LPP: variants seen among roughly 807,000 people sequenced by gnomAD.
LPP encodes lipoma-preferred partner.
Under a neutral mutation model 60.4 loss-of-function variants are expected in LPP, and 38 were observed. That is an observed-to-expected ratio of 0.63 (90% CI 0.49 to 0.83). The LOEUF is 0.83. LPP is among the 40% of genes least tolerant of loss of function. The pLI, the probability that LPP is intolerant of heterozygous loss-of-function variation, is 0.00. For missense variants in LPP, 902 were observed against 783.6 expected (o/e 1.15, Z -1.80); for synonymous variants, 328 against 290.8 (o/e 1.13, Z -1.30).
chr3:188,475,380 A>G (rs147791101), intron 4 of LPP, among the ~76,000 whole-genome samples: 546 of 152,382 alleles, frequency 3.6e-3, no homozygotes, highest in Non-Finnish European at 6.7e-3. Flanking sequence ...GCTGGGTTTG[A>G]GTAGATTCTG....
intron 7 of LPP, among the ~76,000 whole-genome samples, chr3:188,679,562 T>TGTGTGTGC (rs539053363): frequency 8.1e-5 from 10 of 124,046 alleles, no homozygotes; most frequent in African/African-American, 1.8e-4. Flanking sequence ...TGTGTGTGTG[T>TGTGTGTGC]GCGCGCGCGC....
intron 7 of LPP, among the ~76,000 whole-genome samples, chr3:188,656,241 CTGTGCCCAGGCGCTCCCAGG>C (rs1853187381): frequency 6.6e-6 from 1 of 150,894 alleles, no homozygotes; most frequent in South Asian, 2.1e-4. Context: ...GAAAGAAGGT[CTGTGCCCAGGCGCTCCCAGG>C]TGCTGCCAGG....
At chr3:188,360,247 C>T (rs1396640815) in intron 3 of LPP, among the ~76,000 whole-genome samples, 1 of 152,162 alleles carries the variant, frequency 6.6e-6, no homozygotes, top group Non-Finnish European at 1.5e-5. Context: ...TTTAGTAAAC[C>T]TGAGAGAGTG....
chr3:188,714,869 G>T (rs1560105239), intron 8 of LPP, among the ~76,000 whole-genome samples: 2 of 152,054 alleles, frequency 1.3e-5, no homozygotes, highest in East Asian at 3.9e-4. Flanking sequence ...CATTGAGAGG[G>T]CCTCTAAACA....
intron 4 of LPP, among the ~76,000 whole-genome samples, chr3:188,432,885 C>T (rs968613120): frequency 8.6e-5 from 13 of 152,036 alleles, no homozygotes; most frequent in African/African-American, 2.4e-4. Flanking sequence ...GAGCTCAGTG[C>T]GAACACACAT....
At chr3:188,372,980 A>C (rs988098333) in intron 3 of LPP, among the ~76,000 whole-genome samples, 2 of 151,996 alleles carry the variant, frequency 1.3e-5, no homozygotes, top group African/African-American at 4.8e-5. Context: ...TCCTTGAGAT[A>C]GTTTGCTGAG....
At position 188,269,645 on chromosome 3, in the gene LPP, A is replaced by ATGTGTGTGTGTGTGTGTGTG. The variant is rs368115626; in HGVS notation, c.-67+44134_-67+44153dup. ...GCTAGCTGGTTGTGCCTTTTTTTTT[A>ATGTGTGTGTGTGTGTGTGTG]TGTGTGTGTGTGTGTGTGTGTGTGT... On this transcript the variant is annotated intron_variant, in intron 2 of 11. Transcript: ENST00000617246. Among the ~76,000 whole-genome samples the ATGTGTGTGTGTGTGTGTGTG allele has an allele frequency of 6.4e-4, 88 of 136,516 alleles. 1 individual carries two copies. The highest frequency in any genetic ancestry group is 2.4e-3 in the Admixed American group (33 of 13,658). The allele number at this position is 136,516 out of a possible 152,430, so 89.6% of individuals were successfully genotyped here.
chr3:188,354,826 C>G (rs1399598535), intron 3 of LPP, among the ~76,000 whole-genome samples: 5 of 48,182 alleles, frequency 1.0e-4, no homozygotes, highest in African/African-American at 3.8e-4. Context: ...TGCGCGCACA[C>G]ACACACACAG....
chr3:188,173,431 G>T (rs1219130414), intron 1 of LPP, among the ~76,000 whole-genome samples: 1 of 152,122 alleles, frequency 6.6e-6, no homozygotes, highest in Non-Finnish European at 1.5e-5. Flanking sequence ...TTGAACCTGA[G>T]AGGCAGAGGT....
chr3:188,537,708 A>G (rs773566810), intron 6 of LPP, among the ~76,000 whole-genome samples: 6 of 152,214 alleles, frequency 3.9e-5, no homozygotes, highest in African/African-American at 1.2e-4. Context: ...AGCAATCCCT[A>G]TCAGAATCTA....
chr3:188,359,334 G>A (rs1578313977), intron 3 of LPP, among the ~76,000 whole-genome samples: 1 of 152,202 alleles, frequency 6.6e-6, no homozygotes, highest in Non-Finnish European at 1.5e-5. Context: ...AAAGTGAGAA[G>A]CAGGAAGTGA....
chr3:188,735,426 G>A (rs1722152780), intron 8 of LPP, among the ~76,000 whole-genome samples: 1 of 151,842 alleles, frequency 6.6e-6, no homozygotes, highest in African/African-American at 2.4e-5. Flanking sequence ...TCATCCCCCA[G>A]GCTGGAGTGC....
At chr3:188,291,121 C>T (rs1745780120) in intron 2 of LPP, among the ~76,000 whole-genome samples, 1 of 152,174 alleles carries the variant, frequency 6.6e-6, no homozygotes, top group African/African-American at 2.4e-5. Flanking sequence ...AGATGTGTTG[C>T]TGAGGTGAAC....
At chr3:188,586,995 T>C (rs1318854016) in intron 6 of LPP, among the ~76,000 whole-genome samples, 1 of 152,008 alleles carries the variant, frequency 6.6e-6, no homozygotes, top group Admixed American at 6.6e-5. Flanking sequence ...TCCCAAAGTG[T>C]TGGGATTACA....
chr3:188,585,753 ATTTGT>A (rs1837300151), intron 6 of LPP, among the ~76,000 whole-genome samples: 1 of 152,232 alleles, frequency 6.6e-6, no homozygotes, highest in Non-Finnish European at 1.5e-5. Context: ...ATGTAAATGT[ATTTGT>A]TTTATGTCTG....
At chr3:188,159,914 T>G (rs9850450) in intron 1 of LPP, among the ~76,000 whole-genome samples, 2 of 149,948 alleles carry the variant, frequency 1.3e-5, no homozygotes, top group Non-Finnish European at 3.0e-5. Context: ...TGTTTGTTTG[T>G]TTGGTTTGTT....
At chr3:188,757,221 TG>T (rs1730563180) in intron 8 of LPP, among the ~76,000 whole-genome samples, 1 of 79,122 alleles carries the variant, frequency 1.3e-5, no homozygotes, top group African/African-American at 3.9e-5. Flanking sequence ...TGAGAGGCAC[TG>T]ACATCGTGAC....
chr3:188,494,102 G>A (rs914278139), intron 5 of LPP, among the ~76,000 whole-genome samples: 1 of 152,068 alleles, frequency 6.6e-6, no homozygotes, highest in Non-Finnish European at 1.5e-5. Context: ...GTGGCCATAG[G>A]GTATATACGT....
chr3:188,557,954 G>T (rs1829860112), intron 6 of LPP, among the ~76,000 whole-genome samples: 1 of 149,806 alleles, frequency 6.7e-6, no homozygotes. Flanking sequence ...AGAAAGCATG[G>T]ATGTTATCAG....
Sources: allele counts gnomAD v4.1 joint callset (sites outside exome capture counted in the v4.1 genomes callset), GRCh38; gene constraint gnomAD v4.1.1; transcripts MANE v1.5; gene names NCBI Gene and HGNC (gene_info 2026-07-23, HGNC 2026-07-21).